The following CCDC192 variants were observed in gnomAD, a reference collection of about 807,000 sequenced individuals.
CCDC192 encodes the protein coiled-coil domain containing 192, also known as coiled-coil domain-containing protein 192.
chr5:127,790,581 G>A lies in CCDC192; in HGVS notation c.223-6522G>A, dbSNP rs533550975. Among the ~76,000 whole-genome samples the A allele has an allele frequency of 1.1e-3, 170 of 152,026 alleles. 1 individual carries two copies. The highest frequency in any genetic ancestry group is 4.0e-3 in the African/African-American group (165 of 41,498). ...TCTCCTATCTAACTATTTTTGTACCGTTAACCAACTTCTCATTATCCTCTC... is the reference window on the plus strand; with the variant it reads ...TCTCCTATCTAACTATTTTTGTACCATTAACCAACTTCTCATTATCCTCTC... On this transcript the variant is annotated intron_variant, in intron 3 of 6. Transcript: ENST00000514853.
chr5:127,875,327 G>A (rs1164308733), intron 5 of CCDC192, among the ~76,000 whole-genome samples: 2 of 152,118 alleles, frequency 1.3e-5, no homozygotes, highest in African/African-American at 4.8e-5. Context: ...GATGAAGAGA[G>A]TGGGCTTTTT....
chr5:127,732,868 C>A (rs1399940280), intron 2 of CCDC192, among the ~76,000 whole-genome samples: 2 of 152,080 alleles, frequency 1.3e-5, no homozygotes, highest in African/African-American at 4.8e-5. Flanking sequence ...GGAAGGAGAG[C>A]ATCAGGGTAA....
intron 5 of CCDC192, among the ~76,000 whole-genome samples, chr5:127,810,345 A>G (rs984232095): frequency 1.3e-5 from 2 of 152,094 alleles, no homozygotes; most frequent in South Asian, 2.1e-4. Context: ...CTCTATCCCA[A>G]TTGGCCAAAA....
intron 6 of CCDC192, among the ~76,000 whole-genome samples, chr5:127,879,175 G>A (rs1423352319): frequency 6.6e-6 from 1 of 152,038 alleles, no homozygotes; most frequent in Non-Finnish European, 1.5e-5. Context: ...CACACTACCT[G>A]ACTTCAAACT....
At chr5:127,826,476 A>G (rs911098366) in intron 5 of CCDC192, among the ~76,000 whole-genome samples, 6 of 151,928 alleles carry the variant, frequency 3.9e-5, no homozygotes, top group African/African-American at 1.2e-4. Flanking sequence ...CTGAGAAAAC[A>G]TGTAGGTTCA....
chr5:127,862,603 A>G (rs962339961), intron 5 of CCDC192, among the ~76,000 whole-genome samples: 1 of 152,226 alleles, frequency 6.6e-6, no homozygotes, highest in African/African-American at 2.4e-5. Flanking sequence ...AACTCTTCAG[A>G]TAGATCTGAT....
intron 2 of CCDC192, among the ~76,000 whole-genome samples, chr5:127,750,872 C>T (rs1006211502): frequency 6.6e-6 from 1 of 151,226 alleles, no homozygotes; most frequent in African/African-American, 2.4e-5. Flanking sequence ...TATGTAATGG[C>T]CTTCTTTGTC....
chr5:127,743,072 A>T (rs1442964187), intron 2 of CCDC192, among the ~76,000 whole-genome samples: 2 of 151,846 alleles, frequency 1.3e-5, no homozygotes, highest in Non-Finnish European at 2.9e-5. Flanking sequence ...TGGCTTGATG[A>T]GTTCAGCCCA....
chr5:127,776,668 A>G (rs183297965), intron 3 of CCDC192, among the ~76,000 whole-genome samples: 41 of 152,252 alleles, frequency 2.7e-4, no homozygotes, highest in Non-Finnish European at 5.7e-4. Flanking sequence ...GCCTGGGAGG[A>G]AAAAATGGTT....
At chr5:127,884,342 C>CAAAAAAAAAAAA (rs778430655) in intron 6 of CCDC192, among the ~76,000 whole-genome samples, 7 of 11,850 alleles carry the variant, frequency 5.9e-4, no homozygotes, top group Admixed American at 1.5e-3. Flanking sequence ...GACTCCGTCT[C>CAAAAAAAAAAAA]AAAAAAAAAA....
chr5:127,843,222 T>C (rs1750374227), intron 5 of CCDC192, among the ~76,000 whole-genome samples: 1 of 150,296 alleles, frequency 6.7e-6, no homozygotes, highest in Admixed American at 6.6e-5. Flanking sequence ...GTATTTTTAG[T>C]AGAGACGAGG....
intron 6 of CCDC192, among the ~76,000 whole-genome samples, chr5:127,883,214 T>A (rs1302567733): frequency 6.6e-6 from 1 of 152,182 alleles, no homozygotes; most frequent in Non-Finnish European, 1.5e-5. Flanking sequence ...AAGGCAGAGA[T>A]GTCTCCCCCA....
At chr5:127,713,248 A>T (rs1751440594) in intron 2 of CCDC192, among the ~76,000 whole-genome samples, 1 of 150,868 alleles carries the variant, frequency 6.6e-6, no homozygotes. Flanking sequence ...AAAAAAAAAA[A>T]TTTAGTCGTT....
At chr5:127,938,565 T>A (rs1417333178) in intron 6 of CCDC192, among the ~76,000 whole-genome samples, 1 of 152,184 alleles carries the variant, frequency 6.6e-6, no homozygotes, top group Non-Finnish European at 1.5e-5. Flanking sequence ...GTATTTTAAA[T>A]TTTCTAGGAG....
Position 127,930,933 on chromosome 5 carries a change from C to T in CCDC192, c.536-10249C>T, listed in dbSNP as rs1754010186. Among the ~76,000 whole-genome samples the T allele has an allele frequency of 5.3e-5, 8 of 152,346 alleles. No homozygotes were observed. In the South Asian group the frequency reaches 1.5e-3, roughly 28 times the overall value. ...ATCATCACTTGCTTTTCCGCACAAA[C>T]GACCAACACCCTGCCAGCCTTTCCT... On this transcript the variant is annotated intron_variant, in intron 6 of 6. Transcript: ENST00000514853.
chr5:127,891,398 C>T (rs1331520777), intron 6 of CCDC192, among the ~76,000 whole-genome samples: 6 of 152,126 alleles, frequency 3.9e-5, no homozygotes, highest in East Asian at 3.9e-4. Flanking sequence ...ACAAGCCATC[C>T]GTGAGGGATT....
chr5:127,752,032 G>T, intron 2 of CCDC192, among the ~76,000 whole-genome samples: 1 of 151,970 alleles, frequency 6.6e-6, no homozygotes, highest in South Asian at 2.1e-4. Context: ...TTTTTTCAAA[G>T]TTTTCAACTT....
intron 4 of CCDC192, among the ~76,000 whole-genome samples, chr5:127,797,757 ATATATATATATATATATATATT>A (rs1208963318): frequency 1.6e-3 from 26 of 16,608 alleles, no homozygotes; most frequent in Admixed American, 4.3e-3. Flanking sequence ...ATATATATAT[ATATATATATATATATATATATT>A]TATTTATTTA....
chr5:127,866,457 T>C (rs1413163778), intron 5 of CCDC192, among the ~76,000 whole-genome samples: 4 of 148,158 alleles, frequency 2.7e-5, no homozygotes, highest in South Asian at 2.2e-4. Context: ...AACCATTTTT[T>C]GTTTGTTTCC....
Sources: allele counts gnomAD v4.1 joint callset (sites outside exome capture counted in the v4.1 genomes callset), GRCh38; gene constraint gnomAD v4.1.1; transcripts MANE v1.5; gene names NCBI Gene and HGNC (gene_info 2026-07-23, HGNC 2026-07-21).